CNTNAP2: variants seen among roughly 807,000 people sequenced by gnomAD.
The protein encoded by CNTNAP2 is contactin associated protein 2, also known as contactin-associated protein-like 2.
In CNTNAP2, 98 loss-of-function variants were observed where a neutral mutation model predicts 155.2. The observed-to-expected ratio is 0.63, with a 90% CI of 0.54 to 0.75. The LOEUF is 0.75. CNTNAP2 is among the 30% of genes least tolerant of loss of function. The probability of loss-of-function intolerance (pLI) is 0.00; values close to 1 mark genes in which losing one functional copy is unlikely to be tolerated. For synonymous variants in CNTNAP2, 651 were observed against 631.2 expected (o/e 1.03, Z -0.47); for missense variants, 1,727 against 1,688.1 (o/e 1.02, Z -0.40).
chr7:146,798,838 C>T (rs1802817688), intron 2 of CNTNAP2, among the ~76,000 whole-genome samples: 1 of 152,076 alleles, frequency 6.6e-6, no homozygotes, highest in Admixed American at 6.5e-5. Context: ...TATAATTACC[C>T]ACATTTTCAT....
At chr7:147,606,985 A>G (rs934460262) in intron 12 of CNTNAP2, among the ~76,000 whole-genome samples, 6 of 152,182 alleles carry the variant, frequency 3.9e-5, no homozygotes, top group African/African-American at 1.4e-4. Context: ...TGTTAAAATT[A>G]AAGTTGAGAA....
chr7:146,708,587 G>GTTTTTTTT (rs1377602688), intron 1 of CNTNAP2, among the ~76,000 whole-genome samples: 1 of 67,392 alleles, frequency 1.5e-5, no homozygotes, highest in African/African-American at 9.6e-5. Context: ...AAAAAAAAGT[G>GTTTTTTTT]ATTTTTTTTT....
At chr7:146,841,703 T>A (rs1585117323) in intron 3 of CNTNAP2, among the ~76,000 whole-genome samples, 1 of 152,268 alleles carries the variant, frequency 6.6e-6, no homozygotes, top group Non-Finnish European at 1.5e-5. Context: ...AGTCTTCATC[T>A]CAAAATTAAG....
intron 5 of CNTNAP2, among the ~76,000 whole-genome samples, chr7:147,113,298 C>T (rs959181043): frequency 6.6e-5 from 10 of 152,042 alleles, no homozygotes; most frequent in African/African-American, 1.4e-4. Flanking sequence ...GCCCCCCTTA[C>T]GATTTCTGGT....
At chr7:147,217,524 T>TGAC (rs1563120416) in intron 8 of CNTNAP2, among the ~76,000 whole-genome samples, 3 of 152,008 alleles carry the variant, frequency 2.0e-5, no homozygotes, top group African/African-American at 4.8e-5. Flanking sequence ...GTTGTATAAT[T>TGAC]CTTTTTGTAT....
At chr7:146,302,207 A>C (rs892510064) in intron 1 of CNTNAP2, among the ~76,000 whole-genome samples, 1 of 152,180 alleles carries the variant, frequency 6.6e-6, no homozygotes, top group Non-Finnish European at 1.5e-5. Flanking sequence ...AGATTTAAAA[A>C]TTTAAAATTT....
chr7:147,357,256 C>G (rs1379481330), intron 9 of CNTNAP2, among the ~76,000 whole-genome samples: 1 of 152,046 alleles, frequency 6.6e-6, no homozygotes, highest in East Asian at 1.9e-4. Flanking sequence ...AACTTTATTT[C>G]TCTCTTCTTG....
intron 9 of CNTNAP2, among the ~76,000 whole-genome samples, chr7:147,317,905 A>G (rs1007002598): frequency 2.1e-4 from 31 of 150,156 alleles, no homozygotes; most frequent in African/African-American, 7.1e-4. Context: ...TCTGCTTTCT[A>G]CGGTTTGTCT....
chr7:146,356,757 T>C (rs1214409982), intron 1 of CNTNAP2, among the ~76,000 whole-genome samples: 5 of 152,168 alleles, frequency 3.3e-5, no homozygotes, highest in Admixed American at 3.3e-4. Context: ...AAAATATTGA[T>C]TCACATGGTT....
At chr7:146,462,694 T>C (rs1298430533) in intron 1 of CNTNAP2, among the ~76,000 whole-genome samples, 2 of 152,186 alleles carry the variant, frequency 1.3e-5, no homozygotes, top group African/African-American at 4.8e-5. Context: ...TTAGTCAAAA[T>C]ATATCATTAT....
At chr7:146,900,116 A>G (rs190071203) in intron 3 of CNTNAP2, among the ~76,000 whole-genome samples, 278 of 152,320 alleles carry the variant, frequency 1.8e-3, no homozygotes, top group African/African-American at 6.5e-3. Flanking sequence ...GCTATAGACA[A>G]GTAGATAAGT....
At chr7:146,846,148 A>G (rs1173098345) in intron 3 of CNTNAP2, among the ~76,000 whole-genome samples, 3 of 152,190 alleles carry the variant, frequency 2.0e-5, no homozygotes, top group Non-Finnish European at 4.4e-5. Flanking sequence ...TCCATCGGAT[A>G]ATAACTTCTA....
intron 9 of CNTNAP2, among the ~76,000 whole-genome samples, chr7:147,310,910 G>C (rs937900393): frequency 1.3e-5 from 2 of 152,124 alleles, no homozygotes; most frequent in African/African-American, 2.4e-5. Context: ...TTGGGTCAGT[G>C]GATAGAAAAT....
intron 3 of CNTNAP2, among the ~76,000 whole-genome samples, chr7:146,958,902 T>G (rs1379698986): frequency 6.6e-6 from 1 of 152,104 alleles, no homozygotes; most frequent in Non-Finnish European, 1.5e-5. Flanking sequence ...TTCTTATCAT[T>G]TTTCTTAGTT....
At chr7:147,989,831 C>A (rs556029486) in intron 15 of CNTNAP2, among the ~76,000 whole-genome samples, 18 of 152,300 alleles carry the variant, frequency 1.2e-4, no homozygotes, top group East Asian at 1.9e-4. Context: ...GCTGACATAG[C>A]CACTCACACC....
intron 8 of CNTNAP2, among the ~76,000 whole-genome samples, chr7:147,203,006 G>GA (rs960219937): frequency 8.0e-4 from 113 of 141,598 alleles, no homozygotes; most frequent in Non-Finnish European, 1.4e-3. Context: ...TCTACCACAG[G>GA]AAAAAAAAAA....
intron 1 of CNTNAP2, among the ~76,000 whole-genome samples, chr7:146,408,542 A>G (rs1795824028): frequency 6.8e-6 from 1 of 147,874 alleles, no homozygotes; most frequent in African/African-American, 2.5e-5. Flanking sequence ...CAAACACTGC[A>G]TGTTCTCACT....
At chr7:148,010,024 T>C (rs1802048613) in intron 15 of CNTNAP2, among the ~76,000 whole-genome samples, 1 of 152,112 alleles carries the variant, frequency 6.6e-6, no homozygotes, top group Non-Finnish European at 1.5e-5. Flanking sequence ...GTTTTCCCAA[T>C]TTACACTTTC....
intron 12 of CNTNAP2, among the ~76,000 whole-genome samples, chr7:147,601,350 G>A (rs1187708388): frequency 6.6e-6 from 1 of 151,882 alleles, no homozygotes; most frequent in Non-Finnish European, 1.5e-5. Flanking sequence ...GGTAGGTAGT[G>A]GAAAATTACA....
Sources: gnomAD v4.1 joint callset for allele counts (sites outside exome capture counted in the v4.1 genomes callset) on GRCh38, gnomAD v4.1.1 for gene constraint, MANE v1.5 for transcripts, NCBI Gene and HGNC (gene_info 2026-07-23, HGNC 2026-07-21) for gene names.